The following RASA2 variants were observed in gnomAD, a reference collection of about 807,000 sequenced individuals.
RASA2 encodes the protein RAS p21 protein activator 2, also known as ras GTPase-activating protein 2.
Under a neutral mutation model 118.2 loss-of-function variants are expected in RASA2, and 155 were observed. That is an observed-to-expected ratio of 1.31 (90% confidence interval 1.15 to 1.50). RASA2 has a LOEUF of 1.50. Ranked by LOEUF, RASA2 falls within the 40% of genes most tolerant of loss-of-function variation. The pLI, the probability that RASA2 is intolerant of heterozygous loss-of-function variation, is 0.00. For synonymous variants in RASA2, 353 were observed against 349.1 expected (o/e 1.01, Z -0.12); for missense variants, 1,016 against 1,009.6 (o/e 1.01, Z -0.09).
chr3:141,601,942 G>C (rs1051222168), intron 19 of RASA2, among the ~76,000 whole-genome samples: 2 of 152,010 alleles, frequency 1.3e-5, no homozygotes, highest in African/African-American at 4.8e-5. Flanking sequence ...TTCATCTGTT[G>C]TACTTTTCAG....
At chr3:141,509,277 A>G (rs1559995972) in intron 1 of RASA2, among the ~76,000 whole-genome samples, 1 of 152,256 alleles carries the variant, frequency 6.6e-6, no homozygotes, top group Non-Finnish European at 1.5e-5. Context: ...CATATGACAT[A>G]GATCTTACAT....
chr3:141,577,537 G>C (rs976787299), intron 15 of RASA2, among the ~76,000 whole-genome samples: 5 of 152,022 alleles, frequency 3.3e-5, no homozygotes, highest in African/African-American at 1.2e-4. Context: ...ATTTGAAGAG[G>C]CTCTTCTCTA....
chr3:141,488,024 G>A (rs1048064667), intron 1 of RASA2, among the ~76,000 whole-genome samples: 3 of 152,194 alleles, frequency 2.0e-5, no homozygotes, highest in African/African-American at 7.2e-5. Flanking sequence ...GCGTGTAATT[G>A]CTACTTTAGT....
intron 19 of RASA2, among the ~76,000 whole-genome samples, chr3:141,588,666 C>T (rs550106545): frequency 6.6e-6 from 1 of 152,178 alleles, no homozygotes; most frequent in East Asian, 1.9e-4. Context: ...CATAATTCTT[C>T]CTTAGGAATG....
chr3:141,533,249 G>A (rs528101629), intron 4 of RASA2, among the ~76,000 whole-genome samples: 1 of 152,278 alleles, frequency 6.6e-6, no homozygotes, highest in African/African-American at 2.4e-5. Context: ...GATATGGTTG[G>A]AGGAAAATTC....
At chr3:141,568,577 A>T (rs1577752502) in intron 9 of RASA2, among the ~76,000 whole-genome samples, 1 of 152,058 alleles carries the variant, frequency 6.6e-6, no homozygotes, top group Admixed American at 6.5e-5. Context: ...TTGTTTATAT[A>T]TGTATGCATC....
chr3:141,542,224 A>G (rs1237195839), intron 5 of RASA2, among the ~76,000 whole-genome samples: 1 of 152,102 alleles, frequency 6.6e-6, no homozygotes, highest in African/African-American at 2.4e-5. Context: ...CCATGATCTG[A>G]TTTCTGTCCC....
intron 3 of RASA2, among the ~76,000 whole-genome samples, chr3:141,523,335 G>A (rs987495420): frequency 3.3e-5 from 5 of 152,096 alleles, no homozygotes; most frequent in Non-Finnish European, 7.4e-5. Flanking sequence ...CATTTGGCCA[G>A]GCTGGTCTCA....
intron 3 of RASA2, among the ~76,000 whole-genome samples, chr3:141,522,659 G>A (rs2082128609): frequency 6.6e-6 from 1 of 152,120 alleles, no homozygotes; most frequent in East Asian, 1.9e-4. Context: ...ATCAGCATCT[G>A]GAGACATTCC....
chr3:141,572,508 A>G, intron 11 of RASA2, 101 bp from the exon 12 acceptor site: 1 of 803,160 alleles, frequency 1.2e-6, no homozygotes, highest in Non-Finnish European at 2.1e-6. Context: ...GTCTTAATCT[A>G]TTTCAGCTAA....
chr3:141,503,429 T>C (rs548194806), intron 1 of RASA2, among the ~76,000 whole-genome samples: 6 of 152,364 alleles, frequency 3.9e-5, no homozygotes, highest in Admixed American at 1.3e-4. Flanking sequence ...CATGGAATCA[T>C]TGATCTTGTA....
At chr3:141,585,940 T>A (rs2083194460) in intron 17 of RASA2, 85 bp from the exon 18 acceptor site, 1 of 1,023,292 alleles carries the variant, frequency 9.8e-7, no homozygotes, top group Non-Finnish European at 1.4e-6. Context: ...AACTTCCCAT[T>A]ATAATTAATG....
rs188934618 is a variant in RASA2, at chr3:141,584,373, G to A, written c.1753-1652G>A. Reference sequence around the variant, plus strand: ...AAAAAAAAGAAAGGAAAAAGGAATCGTTCCTTGAACTGCTGATTTCCCTTT... The same window carrying A: ...AAAAAAAAGAAAGGAAAAAGGAATCATTCCTTGAACTGCTGATTTCCCTTT... On this transcript the variant is annotated intron_variant, in intron 17 of 23. Coordinates refer to ENST00000286364, the MANE Select transcript of RASA2 (RefSeq NM_006506.5). Among the ~76,000 whole-genome samples the A allele has an allele frequency of 4.8e-5, 7 of 146,810 alleles. No individual in the cohort carries two copies. In the East Asian group the frequency reaches 1.2e-3, roughly 25 times the overall value.
intron 1 of RASA2, among the ~76,000 whole-genome samples, chr3:141,487,513 G>A (rs1035742595): frequency 6.6e-6 from 1 of 151,880 alleles, no homozygotes; most frequent in Non-Finnish European, 1.5e-5. Context: ...GAGCGGCCTG[G>A]ACGCGGGGAC....
chr3:141,545,345 G>A (rs1005902056), intron 5 of RASA2, among the ~76,000 whole-genome samples: 54 of 152,136 alleles, frequency 3.5e-4, no homozygotes, highest in East Asian at 7.7e-4. Context: ...AAGCATGGCA[G>A]CATCTGCTTC....
chr3:141,499,031 A>G (rs1258548661), intron 1 of RASA2, among the ~76,000 whole-genome samples: 1 of 152,226 alleles, frequency 6.6e-6, no homozygotes, highest in Non-Finnish European at 1.5e-5. Context: ...ACGTATCTAT[A>G]TAACCCATAG....
Position 141,514,938 on chromosome 3 carries a change from GA to G in RASA2, c.252-1389del, listed in dbSNP as rs1403471719. Among the ~76,000 whole-genome samples the G allele has an allele frequency of 3.3e-5, 5 of 152,310 alleles. No homozygotes were observed. In the East Asian group the frequency reaches 9.6e-4, roughly 29 times the overall value. The stretch of plus-strand genomic sequence containing the variant: ...ATACTATATGATTCTATTTATGTGA[GA>G]TTTTAGGATAGATGTATAGTGATAG... On this transcript the variant is annotated intron_variant, in intron 2 of 23. Transcript: ENST00000286364.
rs971720333 is a variant in RASA2, at chr3:141,613,637, G to T, written c.*1324G>T. On this transcript the variant is annotated 3_prime_UTR_variant, in exon 24 of 24. Coordinates refer to ENST00000286364, the MANE Select transcript of RASA2 (RefSeq NM_006506.5). ...TTTACATGTTTCTGTTCAAAACTGT[G>T]ACTTATTAATGTAAGTCTGCTAGTA... 1.3e-5 allele frequency: 2 copies of T among 152,120 alleles called. No homozygotes were observed. Among genetic ancestry groups the T allele is most frequent in the African/African-American group, 4.8e-5 (2 of 41,422 alleles). 9.4% of individuals were successfully genotyped at this position (152,120 alleles called of 1,614,324 possible).
intron 1 of RASA2, among the ~76,000 whole-genome samples, chr3:141,497,639 A>G (rs1237926896): frequency 6.6e-6 from 1 of 151,554 alleles, no homozygotes; most frequent in Admixed American, 6.6e-5. Context: ...AGGAGGGTGG[A>G]TGGCTTGAGC....
Sources: allele counts gnomAD v4.1 joint callset (sites outside exome capture counted in the v4.1 genomes callset), GRCh38; gene constraint gnomAD v4.1.1; transcripts MANE v1.5; gene names NCBI Gene and HGNC (gene_info 2026-07-23, HGNC 2026-07-21).